The following CSMD3 variants were observed in gnomAD, a reference collection of about 807,000 sequenced individuals.
CSMD3 encodes CUB and Sushi multiple domains 3.
In CSMD3, 177 loss-of-function variants were observed where a neutral mutation model predicts 435.2. That is an observed-to-expected ratio of 0.41 (90% CI 0.36 to 0.46). The LOEUF (loss-of-function observed/expected upper bound fraction) is 0.46, where lower values mean the gene tolerates loss of function less well. Among genes scored for constraint, CSMD3 ranks in the 20% least tolerant of loss-of-function variants. The pLI is 0.34. For synonymous variants in CSMD3, 1,656 were observed against 1,520.5 expected, an observed-to-expected ratio of 1.09 and a Z score of -2.07; for missense variants, 4,265 against 4,504.6, an observed-to-expected ratio of 0.95 and a Z score of 1.52.
intron 4 of CSMD3, among the ~76,000 whole-genome samples, chr8:113,129,498 A>T (rs2091229497): frequency 6.6e-6 from 1 of 152,196 alleles, no homozygotes; most frequent in Non-Finnish European, 1.5e-5. Flanking sequence ...ATGGGCAACC[A>T]GATGGAAATT....
At chr8:112,533,365 G>T (rs1375059225) in intron 27 of CSMD3, among the ~76,000 whole-genome samples, 1 of 151,898 alleles carries the variant, frequency 6.6e-6, no homozygotes, top group Non-Finnish European at 1.5e-5. Context: ...AATATATGCT[G>T]CTTACAAGGA....
chr8:113,297,560 T>A (rs1400724767), intron 2 of CSMD3, among the ~76,000 whole-genome samples: 2 of 152,074 alleles, frequency 1.3e-5, no homozygotes. Context: ...CTAAAAATGC[T>A]ATTTTATTTA....
At chr8:113,305,895 T>A (rs1414770941) in intron 2 of CSMD3, among the ~76,000 whole-genome samples, 1 of 152,194 alleles carries the variant, frequency 6.6e-6, no homozygotes, top group Admixed American at 6.5e-5. Context: ...AGTAAGTCTT[T>A]TGTAAATTAA....
rs1031909300 is a variant in CSMD3, at chr8:112,650,178, G to A, written c.3176C>T (p.Pro1059Leu). Residue 1059 changes from proline to leucine, a missense_variant, in exon 19 of 71, where the codon CCA becomes CTA. Pro to Leu is a moderately conservative substitution (Grantham distance 98, BLOSUM62 -3). Transcript: ENST00000297405. ...GTTATTACCATCACAGGTTGGAAGT[G>A]GATGACTCCACCAGTGGTTTTTTTC... ...LCEKNHWWSHPLPTCDALCGG... is the reference protein window; with the variant it reads ...LCEKNHWWSHLLPTCDALCGG... 1.9e-6 allele frequency: 3 copies of A among 1,612,498 alleles called. No individual in the cohort carries two copies. The highest frequency in any genetic ancestry group is 2.7e-5 in the African/African-American group (2 of 74,882).
At chr8:112,451,603 T>G (rs1427412130) in intron 32 of CSMD3, among the ~76,000 whole-genome samples, 3 of 151,958 alleles carry the variant, frequency 2.0e-5, no homozygotes, top group Non-Finnish European at 4.4e-5. Context: ...CAATGGCACC[T>G]TCTCAGCTTA....
intron 1 of CSMD3, among the ~76,000 whole-genome samples, chr8:113,346,656 T>C (rs1242484659): frequency 1.3e-5 from 2 of 152,084 alleles, no homozygotes; most frequent in Non-Finnish European, 2.9e-5. Context: ...TAGAATAAAC[T>C]TTACACTCTA....
At chr8:112,441,480 T>C (rs1563949674) in intron 32 of CSMD3, among the ~76,000 whole-genome samples, 1 of 152,200 alleles carries the variant, frequency 6.6e-6, no homozygotes. Flanking sequence ...GTTATCCAGT[T>C]CCAAAGTCAC....
In CSMD3 at chr8:112,896,255, C is replaced by A. The variant is rs554788803; in HGVS notation, c.1633+25372G>T. On this transcript the variant is annotated intron_variant, in intron 10 of 70. Coordinates refer to ENST00000297405, the MANE Select transcript of CSMD3 (RefSeq NM_198123.2). ...TTCTGGCCACAACTCTAACATATCC[C>A]AGCATCAGCCAGCATCAACTCCAGG... 9.9e-5 allele frequency among the ~76,000 whole-genome samples: 15 copies of A among 151,452 alleles called. No individual in the cohort carries two copies. In the South Asian group the frequency reaches 1.9e-3, roughly 19 times the overall value.
chr8:112,589,718 A>T (rs540328761), intron 22 of CSMD3, among the ~76,000 whole-genome samples: 1 of 152,300 alleles, frequency 6.6e-6, no homozygotes, highest in Admixed American at 6.5e-5. Context: ...AGAACAGCTA[A>T]CCACAAGAGA....
chr8:112,637,906 G>A (rs2074706357), intron 21 of CSMD3, among the ~76,000 whole-genome samples: 1 of 151,822 alleles, frequency 6.6e-6, no homozygotes, highest in Non-Finnish European at 1.5e-5. Context: ...TAAGAACAAG[G>A]TTAGTGCTTG....
intron 16 of CSMD3, among the ~76,000 whole-genome samples, chr8:112,677,070 GA>G (rs1248895105): frequency 4.6e-5 from 7 of 152,012 alleles, no homozygotes; most frequent in Non-Finnish European, 1.0e-4. Context: ...AATGTCAATC[GA>G]AAACCATCAG....
intron 12 of CSMD3, among the ~76,000 whole-genome samples, chr8:112,814,942 A>G (rs2079331409): frequency 6.6e-6 from 1 of 150,506 alleles, no homozygotes; most frequent in African/African-American, 2.5e-5. Flanking sequence ...GTTCTAACAT[A>G]TTTTTTGTAT....
chr8:112,743,746 A>C (rs1018155447), intron 13 of CSMD3, among the ~76,000 whole-genome samples: 3 of 152,040 alleles, frequency 2.0e-5, no homozygotes, highest in Admixed American at 6.6e-5. Flanking sequence ...AAGGGAAAAT[A>C]GTTTTTACCA....
chr8:113,349,700 C>T (rs566814321), intron 1 of CSMD3, among the ~76,000 whole-genome samples: 12 of 151,994 alleles, frequency 7.9e-5, no homozygotes, highest in Non-Finnish European at 1.5e-4. Context: ...TAAACATCTA[C>T]GTGTTATCAT....
chr8:112,474,061 C>T (rs1011145123), intron 31 of CSMD3, among the ~76,000 whole-genome samples: 6 of 152,082 alleles, frequency 3.9e-5, no homozygotes, highest in Admixed American at 6.6e-5. Context: ...CCCTCAAACA[C>T]CAAAAGGAGG....
intron 3 of CSMD3, among the ~76,000 whole-genome samples, chr8:113,257,808 C>T (rs1435886628): frequency 2.6e-5 from 4 of 152,146 alleles, no homozygotes; most frequent in Admixed American, 6.5e-5. Flanking sequence ...AAATTGCTCA[C>T]ATCAACTTCA....
chr8:112,968,941 A>T (rs1448045185), intron 7 of CSMD3, among the ~76,000 whole-genome samples: 4 of 151,978 alleles, frequency 2.6e-5, no homozygotes, highest in Non-Finnish European at 1.5e-5. Context: ...CATACTTTAT[A>T]AAAGTCTTAA....
rs770393946 is a variant in CSMD3 at position 112,311,097 on chromosome 8, T to A, written c.7766A>T (p.Asn2589Ile). 1 of 1,614,088 alleles carries A rather than the reference T, an allele frequency of 6.2e-7. No homozygotes were observed. The highest frequency in any genetic ancestry group is 8.5e-7 in the Non-Finnish European group (1 of 1,179,976). ...ATCACAGGCCCAACGGACCACACTG[T>A]TAAGCTGCCCACCTGTCTGACTGAT... is the stretch of plus-strand genomic sequence containing the variant. ...YIISQTGGQL[N>I]SVVRWACDRG... The change falls in exon 50 of 71, where the codon AAC (asparagine) becomes ATC (isoleucine). Residue 2589 changes from asparagine to isoleucine, a missense_variant. This residue lies in a region of CSMD3 where 3,255 missense variants were observed against 3,380.2 expected (regional missense o/e 0.96). Transcript: ENST00000297405.
intron 1 of CSMD3, among the ~76,000 whole-genome samples, chr8:113,430,336 G>A (rs1233001499): frequency 6.6e-6 from 1 of 151,616 alleles, no homozygotes; most frequent in Non-Finnish European, 1.5e-5. Flanking sequence ...CGTAATTTAT[G>A]TCATCTCCCT....
Sources: gnomAD v4.1 joint callset for allele counts (sites outside exome capture counted in the v4.1 genomes callset) on GRCh38, gnomAD v4.1.1 for gene constraint, gnomAD v4.1.1 regional missense constraint, MANE v1.5 for transcripts, NCBI Gene and HGNC (gene_info 2026-07-23, HGNC 2026-07-21) for gene names.